KDM3B: variants seen among roughly 807,000 people sequenced by gnomAD.
KDM3B encodes lysine-specific demethylase 3B.
Under a neutral mutation model 170.0 loss-of-function variants are expected in KDM3B, and 10 were observed. That is an observed-to-expected ratio of 0.06 (90% CI 0.04 to 0.10). KDM3B has a LOEUF of 0.10. KDM3B is among the 10% of genes least tolerant of loss of function. The pLI is 1.00. For missense variants in KDM3B, 1,394 were observed against 2,195.2 expected, an observed-to-expected ratio of 0.64 and a Z score of 7.29; for synonymous variants, 831 against 834.8, an observed-to-expected ratio of 1.00 and a Z score of 0.08.
intron 9 of KDM3B, 108 bp from the exon 10 acceptor site, chr5:138,398,070 A>T: frequency 1.2e-6 from 1 of 803,754 alleles, no homozygotes; most frequent in Non-Finnish European, 2.0e-6. Flanking sequence ...GAAAATTCTT[A>T]GTCTGATTCC....
At position 138,386,299 on chromosome 5, in the gene KDM3B, A is replaced by T. The variant is rs773303235; in HGVS notation, c.1058A>T (p.Asn353Ile). The T allele has an allele frequency of 3.1e-6, 5 of 1,614,100 alleles. No individual in the cohort carries two copies. The African/African-American group carries it at 6.7e-5, about 22-fold the overall frequency. Residue 353 changes from asparagine to isoleucine, a missense_variant, in exon 7 of 24, where the codon AAC (asparagine) becomes ATC (isoleucine). Transcript: ENST00000314358. ...PSTFVPQINR[N>I]IRFATYTKEN... ...ACATTTGTCCCCCAGATAAACCGCAACATTCGCTTTGCCACTTACACCAAA... is the reference window on the plus strand; with the variant it reads ...ACATTTGTCCCCCAGATAAACCGCATCATTCGCTTTGCCACTTACACCAAA...
chr5:138,377,955 C>A, intron 4 of KDM3B, 130 bp downstream of exon 4: 1 of 443,632 alleles, frequency 2.3e-6, no homozygotes, highest in Non-Finnish European at 4.0e-6. Flanking sequence ...AGTCAGATGC[C>A]ACATGAAAGA....
At chr5:138,435,197 T>C (rs560743080) in intron 23 of KDM3B, among the ~76,000 whole-genome samples, 1 of 152,360 alleles carries the variant, frequency 6.6e-6, no homozygotes, top group East Asian at 1.9e-4. Context: ...CCTTATTAGC[T>C]GTAGAACCTT....
intron 9 of KDM3B, 140 bp from the exon 10 acceptor site, chr5:138,398,038 C>A: frequency 1.6e-6 from 1 of 623,368 alleles, no homozygotes; most frequent in Non-Finnish European, 2.8e-6. Context: ...GCAGAGAATG[C>A]ATACTGTTTT....
At chr5:138,411,038 G>A (rs963744994) in intron 11 of KDM3B, among the ~76,000 whole-genome samples, 1 of 152,204 alleles carries the variant, frequency 6.6e-6, no homozygotes, top group African/African-American at 2.4e-5. Flanking sequence ...TCCACAAGAG[G>A]TGGAGGAGCA....
At position 138,396,196 on chromosome 5, in the gene KDM3B, C is replaced by T. The variant is rs186425718; in HGVS notation, c.2832-1982C>T. On this transcript the variant is annotated intron_variant, in intron 9 of 23. Coordinates refer to ENST00000314358, the MANE Select transcript of KDM3B (RefSeq NM_016604.4). ...CTGCAATCTCCGCCTCCCGGGTTCA[C>T]GCCATTCTCCTGCCTCAGCCTCCCG... is the stretch of plus-strand genomic sequence containing the variant. Among the ~76,000 whole-genome samples, 969 of 151,540 alleles carry T rather than the reference C, an allele frequency of 6.4e-3. 11 individuals are homozygous for T. Among genetic ancestry groups the T allele is most frequent in the Non-Finnish European group, 6.5e-3 (439 of 67,822 alleles).
chr5:138,376,489 G>C (rs1156861943), intron 3 of KDM3B, among the ~76,000 whole-genome samples: 3 of 152,088 alleles, frequency 2.0e-5, no homozygotes, highest in Admixed American at 2.0e-4. Context: ...CGGATCATGA[G>C]GTCAGGGGAT....
At chr5:138,410,838 C>T (rs573265822) in intron 11 of KDM3B, among the ~76,000 whole-genome samples, 123 of 152,110 alleles carry the variant, frequency 8.1e-4, no homozygotes, top group African/African-American at 2.7e-3. Context: ...AGACAGCTTA[C>T]GCCATTATTT....
At position 138,419,674 on chromosome 5, in the gene KDM3B, T is replaced by A. The variant is rs1308650183; in HGVS notation, c.3715+442T>A. Among the ~76,000 whole-genome samples the A allele has an allele frequency of 7.4e-3, 897 of 121,606 alleles. 54 individuals are homozygous for A. The highest frequency in any genetic ancestry group is 0.012 in the Non-Finnish European group (680 of 57,942). The allele number at this position is 121,606 out of a possible 152,430, so 79.8% of individuals were successfully genotyped here. On this transcript the variant is annotated intron_variant, in intron 14 of 23. Coordinates refer to ENST00000314358, the MANE Select transcript of KDM3B (RefSeq NM_016604.4). The stretch of plus-strand genomic sequence containing the variant: ...TCTCAAAAAAAAAAAAAAAAATATA[T>A]ATATATATATATATACATATATATA...
intron 23 of KDM3B, among the ~76,000 whole-genome samples, chr5:138,432,021 T>G (rs1763544376): frequency 6.6e-6 from 1 of 152,196 alleles, no homozygotes; most frequent in Admixed American, 6.5e-5. Context: ...CACCTCAGCT[T>G]CACAAAGTAC....
chr5:138,416,855 C>T (rs1763119511), intron 12 of KDM3B, among the ~76,000 whole-genome samples: 1 of 152,150 alleles, frequency 6.6e-6, no homozygotes, highest in Non-Finnish European at 1.5e-5. Flanking sequence ...GAGTCTCACC[C>T]TGTTGCCCAG....
intron 4 of KDM3B, among the ~76,000 whole-genome samples, chr5:138,379,367 A>C (rs1762073264): frequency 6.6e-6 from 1 of 152,188 alleles, no homozygotes; most frequent in Non-Finnish European, 1.5e-5. Flanking sequence ...TTTCCAAATA[A>C]ATGAAGAATT....
intron 1 of KDM3B, among the ~76,000 whole-genome samples, chr5:138,360,275 T>C (rs561322800): frequency 1.3e-5 from 2 of 152,234 alleles, no homozygotes; most frequent in African/African-American, 4.8e-5. Context: ...TTGATACTTA[T>C]GCTCTATTTA....
chr5:138,396,098 T>C (rs1191185517), intron 9 of KDM3B, among the ~76,000 whole-genome samples: 1 of 151,736 alleles, frequency 6.6e-6, no homozygotes, highest in Non-Finnish European at 1.5e-5. Flanking sequence ...GCAATGAGTA[T>C]AGACAACTCT....
intron 2 of KDM3B, among the ~76,000 whole-genome samples, chr5:138,374,493 C>T (rs1351866658): frequency 6.6e-6 from 1 of 151,992 alleles, no homozygotes; most frequent in Middle Eastern, 3.4e-3. Flanking sequence ...CTCCTGACCT[C>T]GTGATCCACC....
intron 12 of KDM3B, among the ~76,000 whole-genome samples, chr5:138,416,016 A>G (rs1382985578): frequency 1.3e-5 from 2 of 152,108 alleles, no homozygotes; most frequent in Admixed American, 1.3e-4. Flanking sequence ...AGTTGAAGCC[A>G]GGAGTTCAAA....
intron 1 of KDM3B, among the ~76,000 whole-genome samples, chr5:138,362,539 CAT>C (rs1049470816): frequency 8.6e-6 from 1 of 115,934 alleles, no homozygotes; most frequent in African/African-American, 3.3e-5. Flanking sequence ...TATATATATA[CAT>C]ATATGTGTAT....
intron 11 of KDM3B, among the ~76,000 whole-genome samples, chr5:138,413,369 C>T (rs1160638964): frequency 1.3e-5 from 2 of 148,996 alleles, no homozygotes; most frequent in Admixed American, 6.7e-5. Context: ...GGCGACAAAG[C>T]GAGACTCCAT....
In KDM3B at chr5:138,389,459, A is replaced by T. The variant is rs139136777; in HGVS notation, c.1381-1554A>T. Among the ~76,000 whole-genome samples the T allele has an allele frequency of 2.7e-3, 409 of 152,262 alleles. 2 individuals carry two copies. The highest frequency in any genetic ancestry group is 9.6e-3 in the African/African-American group (398 of 41,546). The stretch of plus-strand genomic sequence containing the variant: ...ATCACTTTTTTTTTAATTGTAGTAA[A>T]ATACACATAATGTAAAACTTACGAC... On this transcript the variant is annotated intron_variant, in intron 7 of 23. Coordinates refer to ENST00000314358, the MANE Select transcript of KDM3B (RefSeq NM_016604.4).
Sources: gnomAD v4.1 joint callset for allele counts (sites outside exome capture counted in the v4.1 genomes callset) on GRCh38, gnomAD v4.1.1 for gene constraint, MANE v1.5 for transcripts, NCBI Gene and HGNC (gene_info 2026-07-23, HGNC 2026-07-21) for gene names.